Variants in DTX2 observed in about 807,000 individuals in gnomAD.
DTX2 encodes deltex E3 ubiquitin ligase 2, also known as probable E3 ubiquitin-protein ligase DTX2.
DTX2 carries 29 observed loss-of-function variants against 55.3 expected under a neutral mutation model. The observed-to-expected ratio is 0.52, with a 90% CI of 0.39 to 0.71. The LOEUF is 0.71. Ranked by LOEUF, DTX2 falls within the 30% of genes least tolerant of loss-of-function variation. The pLI is 0.00. For synonymous variants in DTX2, 276 were observed against 340.4 expected (o/e 0.81, Z 2.08); for missense variants, 537 against 822.5 (o/e 0.65, Z 4.25).
intron 2 of DTX2, among the ~76,000 whole-genome samples, chr7:76,466,865 T>C (rs1052784596): frequency 6.6e-6 from 1 of 152,058 alleles, no homozygotes; most frequent in African/African-American, 2.4e-5. Context: ...CCCAAAGTGC[T>C]GGGATTACAG....
chr7:76,490,449 A>G (rs1383150416), intron 4 of DTX2, among the ~76,000 whole-genome samples: 1 of 89,760 alleles, frequency 1.1e-5, no homozygotes, highest in East Asian at 3.2e-4. Context: ...GATCCAATCC[A>G]GGGTCCCACT....
chr7:76,473,009 A>T (rs1808127845), intron 2 of DTX2, among the ~76,000 whole-genome samples: 1 of 152,010 alleles, frequency 6.6e-6, no homozygotes, highest in Admixed American at 6.6e-5. Flanking sequence ...TTTTTTTAAT[A>T]AATAGAGATG....
intron 4 of DTX2, among the ~76,000 whole-genome samples, chr7:76,490,282 C>T (rs1293958307): frequency 1.2e-5 from 1 of 85,228 alleles, no homozygotes; most frequent in Non-Finnish European, 2.4e-5. Context: ...GCCAAGATCA[C>T]ACCACTGCAC....
At chr7:76,474,278 C>T (rs549742474) in intron 2 of DTX2, among the ~76,000 whole-genome samples, 5 of 149,644 alleles carry the variant, frequency 3.3e-5, no homozygotes, top group Admixed American at 2.0e-4. Flanking sequence ...TGGTCTCAAA[C>T]GCCTGGCCTC....
chr7:76,472,482 A>G (rs62475634), intron 2 of DTX2, among the ~76,000 whole-genome samples: 24,695 of 142,836 alleles, frequency 0.17, 2,165 homozygotes, highest in South Asian at 0.25. Context: ...GCATGCCACC[A>G]TGCCCAGCTA....
At chr7:76,492,007 C>G in intron 4 of DTX2, 146 bp from the exon 5 acceptor site, 1 of 520,180 alleles carries the variant, frequency 1.9e-6, no homozygotes, top group Non-Finnish European at 3.4e-6. Flanking sequence ...GAAAACAAAA[C>G]CAAAGGCCTC....
chr7:76,486,351 AGGCAGGCAG>A (rs1172041157), intron 4 of DTX2, among the ~76,000 whole-genome samples: 1 of 97,716 alleles, frequency 1.0e-5, no homozygotes, highest in Non-Finnish European at 2.0e-5. Context: ...GGATGTGAGG[AGGCAGGCAG>A]GGCAGGCAGG....
intron 2 of DTX2, among the ~76,000 whole-genome samples, chr7:76,474,056 AGATTACAG>A (rs1808251177): frequency 6.8e-6 from 1 of 147,470 alleles, no homozygotes; most frequent in African/African-American, 2.5e-5. Flanking sequence ...CTAGTAGGTG[AGATTACAG>A]GCATGTGCCA....
chr7:76,505,530 A>G lies in DTX2; in HGVS notation c.1798A>G (p.Asn600Asp). The change falls in exon 11 of 11, where the codon AAC (asparagine) becomes GAC (aspartate). Residue 600 changes from asparagine (N) to aspartate (D), a missense_variant. Coordinates refer to ENST00000430490, the MANE Select transcript of DTX2 (RefSeq NM_001102594.3). The surrounding 1 kb of genome is among the most constrained non-coding windows in gnomAD (Gnocchi z 4.4). ...NITGHGYPDP[N>D]YLQNVLAELA... ...TACGGGCCACGGCTATCCCGACCCCAACTACCTGCAGAACGTGCTGGCTGA... is the reference window on the plus strand; with the variant it reads ...TACGGGCCACGGCTATCCCGACCCCGACTACCTGCAGAACGTGCTGGCTGA... The G allele has an allele frequency of 6.2e-7, 1 of 1,609,422 alleles. No homozygotes were observed. The highest frequency in any genetic ancestry group is 8.5e-7 in the Non-Finnish European group (1 of 1,178,246).
rs761652752 is a variant in DTX2 at position 76,480,493 on chromosome 7, C to T, written c.-17C>T. 2.0e-5 allele frequency: 31 copies of T among 1,555,942 alleles called. 1 individual carries two copies. In the South Asian group the frequency reaches 2.3e-4, roughly 12 times the overall value. On this transcript the variant is annotated 5_prime_UTR_variant, in exon 3 of 11. Transcript: ENST00000430490. The stretch of plus-strand genomic sequence containing the variant: ...GGTCTGAAGCTGTTTGGGAAAGCAG[C>T]GGGACTCCTTGGGAAGATGGCCATG...
rs374557489 is a variant in DTX2, at chr7:76,482,673, T to C, written c.434T>C (p.Leu145Ser). ...QVARGNQLVD[L>S]APLGYNYTVN... ...GCCAGGGGCAACCAGCTCGTGGACTTGGCCCCCCTGGGGTACAACTACACT... is the reference window on the plus strand; with the variant it reads ...GCCAGGGGCAACCAGCTCGTGGACTCGGCCCCCCTGGGGTACAACTACACT... Residue 145 changes from leucine (L) to serine (S), a missense_variant, in exon 4 of 11, where the codon TTG becomes TCG. Physicochemically the swap from Leu to Ser is moderately radical, Grantham distance 145 (BLOSUM62 -2). This residue lies in a region of DTX2 where 301 missense variants were observed against 396.6 expected (regional missense o/e 0.76). Coordinates refer to ENST00000430490, the MANE Select transcript of DTX2 (RefSeq NM_001102594.3). The C allele has an allele frequency of 7.4e-6, 12 of 1,613,780 alleles. No individual in the cohort carries two copies. In the African/African-American group the frequency reaches 1.5e-4, roughly 20 times the overall value.
At chr7:76,493,803 C>CG (rs1302357301) in intron 5 of DTX2, among the ~76,000 whole-genome samples, 1 of 109,204 alleles carries the variant, frequency 9.2e-6, no homozygotes, top group Non-Finnish European at 1.9e-5. Flanking sequence ...AGCCGTCAGG[C>CG]GGGGGGTTGT....
At chr7:76,468,271 C>T (rs1250045012) in intron 2 of DTX2, among the ~76,000 whole-genome samples, 3 of 151,758 alleles carry the variant, frequency 2.0e-5, no homozygotes, top group African/African-American at 7.2e-5. Flanking sequence ...GAGGGCAGGG[C>T]GTGTTGTTGG....
chr7:76,464,919 T>TTTG (rs1158316716), intron 2 of DTX2, among the ~76,000 whole-genome samples: 3 of 150,764 alleles, frequency 2.0e-5, no homozygotes, highest in Non-Finnish European at 2.9e-5. Context: ...TTTCATTCTT[T>TTTG]TTGTTGTTGT....
chr7:76,474,510 C>A (rs977653586), intron 2 of DTX2: 2 of 149,188 alleles, frequency 1.3e-5, no homozygotes, highest in Admixed American at 6.7e-5. Flanking sequence ...TCTCTCGGGA[C>A]GGCAGAGGCA....
chr7:76,502,542 G>A (rs1811855750), intron 8 of DTX2, 86 bp downstream of exon 8: 2 of 1,457,702 alleles, frequency 1.4e-6, no homozygotes, highest in Non-Finnish European at 1.8e-6. Flanking sequence ...GGTTCCGGGG[G>A]TGGCTGTAGG....
chr7:76,500,009 T>C (rs1811463174), intron 6 of DTX2: 2 of 389,548 alleles, frequency 5.1e-6, no homozygotes, highest in African/African-American at 4.1e-5. Context: ...GTCCCTGTGA[T>C]GTTCATGCCA....
At chr7:76,500,892 C>CGGCTATT (rs1203707968) in intron 7 of DTX2, among the ~76,000 whole-genome samples, 3 of 152,152 alleles carry the variant, frequency 2.0e-5, no homozygotes, top group African/African-American at 7.2e-5. Flanking sequence ...TCCTGCCCCC[C>CGGCTATT]GGCTATTGGG....
chr7:76,502,888 G>T (rs1310433224), intron 8 of DTX2: 1 of 222,526 alleles, frequency 4.5e-6, no homozygotes, highest in Non-Finnish European at 8.9e-6. Context: ...CCACTGGGAG[G>T]TGGGAGCCAG....
Sources: gnomAD v4.1 joint callset for allele counts (sites outside exome capture counted in the v4.1 genomes callset) on GRCh38, gnomAD v4.1.1 for gene constraint, gnomAD v4.1.1 regional missense constraint, Gnocchi (gnomAD v3.1) non-coding constraint, MANE v1.5 for transcripts, NCBI Gene and HGNC (gene_info 2026-07-23, HGNC 2026-07-21) for gene names.